RNF125: variants seen among roughly 807,000 people sequenced by gnomAD.
RNF125 encodes ring finger protein 125, also known as E3 ubiquitin-protein ligase RNF125.
A neutral mutation model predicts 26.0 loss-of-function variants in RNF125; 21 were observed. The observed-to-expected ratio is 0.81, with a 90% CI of 0.57 to 1.16. The LOEUF is 1.16. Ranked by LOEUF, RNF125 falls within the 50% of genes most tolerant of loss-of-function variation. RNF125 has a pLI of 0.00. For missense variants in RNF125, 270 were observed against 299.4 expected (o/e 0.90, Z 0.72); for synonymous variants, 95 against 109.2 (o/e 0.87, Z 0.81).
intron 1 of RNF125, among the ~76,000 whole-genome samples, chr18:32,021,748 A>G (rs576198439): frequency 5.3e-5 from 8 of 152,338 alleles, no homozygotes; most frequent in Non-Finnish European, 1.0e-4. Flanking sequence ...ATTATAATTT[A>G]CCATTTACAA....
Position 32,037,005 on chromosome 18 carries a change from G to C in RNF125, c.165-111G>C, listed in dbSNP as rs187832655. On this transcript the variant is annotated intron_variant, in intron 1 of 5. Coordinates refer to ENST00000217740, the MANE Select transcript of RNF125 (RefSeq NM_017831.4). ...AGTGGACCTGTAATTTGGTAGTATG[G>C]CTCATGGGGTACGAGGTGTCATTAA... 348 of 941,192 alleles carry C rather than the reference G, an allele frequency of 3.7e-4. 6 individuals are homozygous for C. The African/African-American group carries it at 5.5e-3, about 15-fold the overall frequency. The allele number at this position is 941,192 out of a possible 1,614,324, so 58.3% of individuals were successfully genotyped here.
intron 1 of RNF125, among the ~76,000 whole-genome samples, chr18:32,028,463 A>AT (rs2039061165): frequency 6.6e-6 from 1 of 151,996 alleles, no homozygotes; most frequent in South Asian, 2.1e-4. Context: ...TTCTCTACCA[A>AT]TGTAGACTTT....
the RNF125 span, among the ~76,000 whole-genome samples, chr18:32,085,448 C>T: frequency 6.7e-6 from 1 of 148,978 alleles, no homozygotes; most frequent in Non-Finnish European, 1.5e-5. Flanking sequence ...ACCTGTAATC[C>T]CAGCACTTTA....
the RNF125 span, among the ~76,000 whole-genome samples, chr18:32,090,334 C>T: frequency 1.3e-5 from 2 of 152,196 alleles, no homozygotes; most frequent in East Asian, 3.8e-4. Context: ...ATGTGAAAAG[C>T]ACCTGAACTA....
rs201758282 is a variant in RNF125, at chr18:32,070,041, T to C, written c.*1657T>C. ...CTTCTCTCTCTCTCTCTCTCTCTCT[T>C]TCCTTTTCTTTCTCTTTTTTTCAGA... On this transcript the variant is annotated 3_prime_UTR_variant, in exon 6 of 6. Transcript: ENST00000217740. 2.3e-5 allele frequency: 3 copies of C among 130,762 alleles called. No homozygotes were observed. Among genetic ancestry groups the C allele is most frequent in the Middle Eastern group, 8.3e-3 (2 of 242 alleles). The allele number at this position is 130,762 out of a possible 1,614,324, so 8.1% of individuals were successfully genotyped here. A position where few individuals can be genotyped will look rare whatever the true frequency, so the allele number is the denominator to read the frequency against.
chr18:32,086,084 T>G, the RNF125 span, among the ~76,000 whole-genome samples: 1 of 152,184 alleles, frequency 6.6e-6, no homozygotes, highest in Admixed American at 6.5e-5. Flanking sequence ...ATATATTCTT[T>G]CCATCTTTCA....
chr18:32,034,756 T>TA (rs55830974), intron 1 of RNF125, among the ~76,000 whole-genome samples: 6,560 of 149,842 alleles, frequency 0.044, 209 homozygotes, highest in Non-Finnish European at 0.062. Context: ...CTACTAGAAG[T>TA]AAAAAAAAAT....
chr18:32,077,404 C>T (rs1479880662), downstream of RNF125, among the ~76,000 whole-genome samples: 1 of 150,014 alleles, frequency 6.7e-6, no homozygotes, highest in East Asian at 2.0e-4. Flanking sequence ...CTCTGTTGCC[C>T]AGGCTAGAGT....
At chr18:32,089,482 C>T in the RNF125 span, among the ~76,000 whole-genome samples, 1 of 152,158 alleles carries the variant, frequency 6.6e-6, no homozygotes, top group Non-Finnish European at 1.5e-5. Flanking sequence ...AGGGTTTTCC[C>T]TTCTAATGAC....
chr18:32,089,188 A>G, the RNF125 span, among the ~76,000 whole-genome samples: 1 of 152,242 alleles, frequency 6.6e-6, no homozygotes, highest in Non-Finnish European at 1.5e-5. Flanking sequence ...TTCATCAGCA[A>G]GTTTCAGCAA....
chr18:32,035,044 A>T (rs1447094556), intron 1 of RNF125, among the ~76,000 whole-genome samples: 1 of 152,166 alleles, frequency 6.6e-6, no homozygotes, highest in Admixed American at 6.6e-5. Flanking sequence ...CACTGTGTGC[A>T]GTGTTCAACT....
chr18:32,058,126 C>T (rs990109910), intron 4 of RNF125, among the ~76,000 whole-genome samples: 6 of 140,182 alleles, frequency 4.3e-5, no homozygotes, highest in Non-Finnish European at 7.7e-5. Flanking sequence ...AGTGAGACCC[C>T]ATCTCTAAAA....
At chr18:32,078,941 G>C in the RNF125 span, among the ~76,000 whole-genome samples, 1 of 152,160 alleles carries the variant, frequency 6.6e-6, no homozygotes, top group African/African-American at 2.4e-5. Flanking sequence ...CACCCAAGTA[G>C]AGTCAGTCAC....
chr18:32,064,445 C>A (rs1465813724), intron 4 of RNF125, among the ~76,000 whole-genome samples: 1 of 131,788 alleles, frequency 7.6e-6, no homozygotes, highest in Non-Finnish European at 1.5e-5. Flanking sequence ...CCTCGGCTGC[C>A]TGAGTAGCTG....
At chr18:32,081,269 CAAA>C in the RNF125 span, among the ~76,000 whole-genome samples, 1 of 143,644 alleles carries the variant, frequency 7.0e-6, no homozygotes, top group Admixed American at 6.9e-5. Context: ...AAACAACAAA[CAAA>C]AAATTTTAAG....
intron 4 of RNF125, among the ~76,000 whole-genome samples, chr18:32,052,534 G>A (rs1598821057): frequency 6.6e-6 from 1 of 151,024 alleles, no homozygotes; most frequent in East Asian, 1.9e-4. Flanking sequence ...CTTGTACCTT[G>A]ATTTTAATTA....
rs2144522680 is a variant in RNF125 at position 32,070,322 on chromosome 18, GC to G, written c.*1940del. On this transcript the variant is annotated 3_prime_UTR_variant, in exon 6 of 6. Transcript: ENST00000217740. ...CAAAATGCTGGGATTACAGGCATGAGCCACCATGCCCAGCTAATTTTTGTAT... is the reference window on the plus strand; with the variant it reads ...CAAAATGCTGGGATTACAGGCATGAGCACCATGCCCAGCTAATTTTTGTAT... The G allele has an allele frequency of 6.6e-6, 1 of 152,458 alleles. No homozygotes were observed. The highest frequency in any genetic ancestry group is 2.1e-4 in the South Asian group (1 of 4,830). The allele number at this position is 152,458 out of a possible 1,614,324, so 9.4% of individuals were successfully genotyped here. A position where few individuals can be genotyped will look rare whatever the true frequency, so the allele number is the denominator to read the frequency against.
the RNF125 span, among the ~76,000 whole-genome samples, chr18:32,085,749 G>A: frequency 0.64 from 93,785 of 147,164 alleles, 30,097 homozygotes; most frequent in Admixed American, 0.73. Flanking sequence ...ACTTGGTTTC[G>A]TTCTTCCTTC....
Position 32,037,193 on chromosome 18 carries a change from C to T in RNF125, c.242C>T (p.Ser81Leu). 2 of 1,605,710 alleles carry T rather than the reference C, an allele frequency of 1.2e-6. No individual in the cohort carries two copies. Among genetic ancestry groups the T allele is most frequent in the Non-Finnish European group, 1.7e-6 (2 of 1,177,016 alleles). The change falls in exon 2 of 6, where the codon TCA (serine) becomes TTA (leucine). Residue 81 changes from serine (S) to leucine (L), a missense_variant. Transcript: ENST00000217740. The stretch of plus-strand genomic sequence containing the variant: ...CCTTATTGCCGGGCATATCTTCCTT[C>T]AGAAGGAGTTCCAGCAACTGATGTA... ...TCPYCRAYLP[S>L]EGVPATDVAK...
Sources: allele counts gnomAD v4.1 joint callset (sites outside exome capture counted in the v4.1 genomes callset), GRCh38; gene constraint gnomAD v4.1.1; transcripts MANE v1.5; gene names NCBI Gene and HGNC (gene_info 2026-07-23, HGNC 2026-07-21).